The following DENND4C variants were observed in gnomAD, a reference collection of about 807,000 sequenced individuals.
DENND4C encodes DENN domain-containing protein 4C.
Under a neutral mutation model 203.0 loss-of-function variants are expected in DENND4C, and 108 were observed. The ratio of observed to expected loss-of-function variants is 0.53; its 90% CI spans 0.46 to 0.62. The LOEUF (loss-of-function observed/expected upper bound fraction) is 0.62, where lower values mean the gene tolerates loss of function less well. DENND4C is among the 20% of genes least tolerant of loss of function. The probability of loss-of-function intolerance (pLI) is 0.00; values close to 1 mark genes in which losing one functional copy is unlikely to be tolerated. For missense variants in DENND4C, 2,481 were observed against 2,301.2 expected (o/e 1.08, Z -1.60); for synonymous variants, 871 against 792.4 (o/e 1.10, Z -1.67).
At chr9:19,259,817 T>G (rs1828921656) in intron 1 of DENND4C, among the ~76,000 whole-genome samples, 1 of 152,170 alleles carries the variant, frequency 6.6e-6, no homozygotes, top group Admixed American at 6.5e-5. Flanking sequence ...AATGCCACAT[T>G]TTCTTTATCC....
chr9:19,350,537 T>G (rs539090269), intron 23 of DENND4C, among the ~76,000 whole-genome samples, 165 bp from the exon 24 acceptor site: 3 of 151,982 alleles, frequency 2.0e-5, no homozygotes, highest in Admixed American at 2.0e-4. Flanking sequence ...TGTCTTAGAG[T>G]GTGGAAGTGA....
chr9:19,299,514 G>A (rs1180593169), intron 8 of DENND4C, among the ~76,000 whole-genome samples: 2 of 152,116 alleles, frequency 1.3e-5, no homozygotes, highest in African/African-American at 4.8e-5. Context: ...AAGATTGGAT[G>A]TAGAGGATAC....
intron 1 of DENND4C, among the ~76,000 whole-genome samples, chr9:19,233,728 G>C (rs1365155377): frequency 6.6e-6 from 1 of 151,816 alleles, no homozygotes; most frequent in Non-Finnish European, 1.5e-5. Flanking sequence ...AAATAGCTGG[G>C]ATTACAGGTG....
At chr9:19,252,363 G>A (rs372612531) in intron 1 of DENND4C, among the ~76,000 whole-genome samples, 109 of 152,208 alleles carry the variant, frequency 7.2e-4, no homozygotes, top group African/African-American at 2.6e-3. Context: ...AATTGTGGGA[G>A]TTACAATTCA....
intron 1 of DENND4C, among the ~76,000 whole-genome samples, chr9:19,275,265 A>C (rs146775735): frequency 0.077 from 11,178 of 145,360 alleles, 476 homozygotes; most frequent in Middle Eastern, 0.14. Context: ...GGTGTGAGCC[A>C]CCAGGCCCGG....
At chr9:19,297,773 A>G (rs1381258602) in intron 6 of DENND4C, among the ~76,000 whole-genome samples, 1 of 152,122 alleles carries the variant, frequency 6.6e-6, no homozygotes, top group Non-Finnish European at 1.5e-5. Flanking sequence ...GGCTATAAAA[A>G]TTCACTTCTT....
At chr9:19,295,669 C>CA (rs1173472125) in intron 5 of DENND4C, among the ~76,000 whole-genome samples, 6,336 of 72,024 alleles carry the variant, frequency 0.088, 522 homozygotes, top group African/African-American at 0.24. Flanking sequence ...GACTCCATCT[C>CA]AAAAAAAAAA....
intron 10 of DENND4C, among the ~76,000 whole-genome samples, chr9:19,308,123 ATC>A (rs1840048514): frequency 2.0e-5 from 3 of 152,190 alleles, no homozygotes; most frequent in Admixed American, 2.0e-4. Flanking sequence ...TTGTATCTAG[ATC>A]TTTGATGTTA....
At position 19,255,209 on chromosome 9, in the gene DENND4C, C is replaced by G. The variant is rs564303748; in HGVS notation, c.-17-20949C>G. On this transcript the variant is annotated intron_variant, in intron 1 of 32. Transcript: ENST00000434457. ...CTTGAGGCCAGGAGTTCAAGACCAGCTTGGGTAGCATAGAGAGACCCTGAT... is the reference window on the plus strand; with the variant it reads ...CTTGAGGCCAGGAGTTCAAGACCAGGTTGGGTAGCATAGAGAGACCCTGAT... 1.4e-4 allele frequency among the ~76,000 whole-genome samples: 22 copies of G among 152,056 alleles called. No homozygotes were observed. The East Asian group carries it at 3.1e-3, about 21-fold the overall frequency.
intron 12 of DENND4C, among the ~76,000 whole-genome samples, chr9:19,320,761 G>A (rs1014233441): frequency 1.3e-5 from 2 of 152,176 alleles, no homozygotes; most frequent in African/African-American, 4.8e-5. Context: ...GGTTTAAAGT[G>A]TTGTTACCCT....
chr9:19,283,714 C>T (rs1834615079), intron 2 of DENND4C, among the ~76,000 whole-genome samples: 1 of 150,664 alleles, frequency 6.6e-6, no homozygotes, highest in Non-Finnish European at 1.5e-5. Flanking sequence ...CTCACCCCCA[C>T]CCCCGCCAGT....
chr9:19,355,577 C>A (rs1325612212), intron 26 of DENND4C, among the ~76,000 whole-genome samples: 1 of 152,164 alleles, frequency 6.6e-6, no homozygotes, highest in Non-Finnish European at 1.5e-5. Context: ...TCACCTTTAT[C>A]ATATTTCAGT....
At position 19,324,388 on chromosome 9, in the gene DENND4C, T is replaced by A. The variant is rs1410439371; in HGVS notation, c.1834T>A (p.Tyr612Asn). 5.0e-6 allele frequency: 8 copies of A among 1,605,200 alleles called. No individual in the cohort carries two copies. In the South Asian group the frequency reaches 9.0e-5, roughly 18 times the overall value. ...ATTTTTAAAAAGTCGAGATCGTGCC[T>A]ATGCAAAATTCTATACCCTTTTATC... ...QGFLKSRDRA[Y>N]AKFYTLLSKT... Residue 612 changes from tyrosine (Y) to asparagine (N), a missense_variant, in exon 13 of 33, where the codon TAT (tyrosine) becomes AAT (asparagine). Transcript: ENST00000434457.
chr9:19,266,844 T>C (rs984006172), intron 1 of DENND4C, among the ~76,000 whole-genome samples: 22 of 152,210 alleles, frequency 1.4e-4, no homozygotes, highest in Non-Finnish European at 2.9e-4. Context: ...GATTAAAGAC[T>C]TAAATGTTAG....
In DENND4C at chr9:19,346,182, C is replaced by T. The variant is rs1423381568; in HGVS notation, c.3413C>T (p.Thr1138Ile). ...ILTAALTCPKTSLLHIARTHS... is the reference protein window; with the variant it reads ...ILTAALTCPKISLLHIARTHS... ...ACAGCAGCATTGACATGTCCTAAGA[C>T]TTCTCTACTTCATATTGCAAGAACC... Residue 1138 changes from threonine (T) to isoleucine (I), a missense_variant, in exon 23 of 33, where the codon ACT (threonine) becomes ATT (isoleucine). Thr to Ile is a moderately conservative substitution (Grantham distance 89, BLOSUM62 -1). Around this residue, in one of 3 missense-constraint regions of DENND4C, gnomAD observed 2,289 missense variants for 2,113.3 expected, o/e 1.08. Transcript: ENST00000434457. 6.2e-7 allele frequency: 1 copy of T among 1,614,194 alleles called. No individual in the cohort carries two copies. Among genetic ancestry groups the T allele is most frequent in the Admixed American group, 1.7e-5 (1 of 60,022 alleles).
At chr9:19,353,060 C>G (rs1015740856) in intron 26 of DENND4C, among the ~76,000 whole-genome samples, 3 of 152,010 alleles carry the variant, frequency 2.0e-5, no homozygotes, top group African/African-American at 7.3e-5. Flanking sequence ...CGCGTGAGCC[C>G]AGGAGTTTGA....
chr9:19,368,618 G>A (rs1367885516), intron 30 of DENND4C, among the ~76,000 whole-genome samples: 1 of 151,978 alleles, frequency 6.6e-6, no homozygotes, highest in Non-Finnish European at 1.5e-5. Context: ...GCAACATAGT[G>A]GGAGCCCATC....
chr9:19,324,279 A>C, intron 12 of DENND4C, 83 bp from the exon 13 acceptor site: 6 of 1,020,994 alleles, frequency 5.9e-6, no homozygotes, highest in Non-Finnish European at 8.4e-6. Flanking sequence ...AGAATGTAAT[A>C]TAGATAAGTA....
chr9:19,274,619 G>T (rs1832489556), intron 1 of DENND4C, among the ~76,000 whole-genome samples: 2 of 152,120 alleles, frequency 1.3e-5, no homozygotes, highest in Admixed American at 1.3e-4. Flanking sequence ...TATCTTGATT[G>T]TGGTAATGGT....
Sources: allele counts gnomAD v4.1 joint callset (sites outside exome capture counted in the v4.1 genomes callset), GRCh38; gene constraint gnomAD v4.1.1; regional missense constraint gnomAD v4.1.1; transcripts MANE v1.5; gene names NCBI Gene and HGNC (gene_info 2026-07-23, HGNC 2026-07-21).